The following ABR variants were observed in gnomAD, a reference collection of about 807,000 sequenced individuals.
The protein encoded by ABR is active breakpoint cluster region-related protein.
A neutral mutation model predicts 107.2 loss-of-function variants in ABR; 35 were observed. The observed-to-expected ratio is 0.33, with a 90% confidence interval of 0.25 to 0.43. ABR has a LOEUF of 0.43. Ranked by LOEUF, ABR falls within the 20% of genes least tolerant of loss-of-function variation. ABR has a pLI of 1.00. For synonymous variants in ABR, 498 were observed against 462.0 expected, an observed-to-expected ratio of 1.08 and a Z score of -1.00; for missense variants, 815 against 1,115.2, an observed-to-expected ratio of 0.73 and a Z score of 3.83.
chr17:1,146,691 C>T (rs1424842262), intron 1 of ABR, among the ~76,000 whole-genome samples: 1 of 150,962 alleles, frequency 6.6e-6, no homozygotes, highest in African/African-American at 2.4e-5. Flanking sequence ...CACACGACAC[C>T]ACTGCCACCA....
Position 1,027,984 on chromosome 17 carries a change from G to A in ABR, c.1792-14820C>T, listed in dbSNP as rs1306373560. ...GAGTGGTAGAGTGAACCTCTGGGGTGTGCACGTGGTCTGCACACCTGGTAC... is the reference window on the plus strand; with the variant it reads ...GAGTGGTAGAGTGAACCTCTGGGGTATGCACGTGGTCTGCACACCTGGTAC... On this transcript the variant is annotated intron_variant, in intron 16 of 22. Transcript: ENST00000302538. This position sits in a 1 kb window ranked among gnomAD's most constrained non-coding sequence, Gnocchi z 4.7. Among the ~76,000 whole-genome samples, 1 of 152,098 alleles carries A rather than the reference G, an allele frequency of 6.6e-6. No individual in the cohort carries two copies. Among genetic ancestry groups the A allele is most frequent in the Non-Finnish European group, 1.5e-5 (1 of 68,034 alleles).
At chr17:1,145,103 T>A (rs1215551926) in intron 1 of ABR, among the ~76,000 whole-genome samples, 2 of 152,182 alleles carry the variant, frequency 1.3e-5, no homozygotes, top group African/African-American at 4.8e-5. Context: ...TCGTTTGGGT[T>A]ATCGGTATAT....
At chr17:1,046,483 C>T (rs1481800955) in intron 16 of ABR, among the ~76,000 whole-genome samples, 1 of 152,224 alleles carries the variant, frequency 6.6e-6, no homozygotes, top group Non-Finnish European at 1.5e-5. Flanking sequence ...GTTGGCCAGG[C>T]TGGTCTCGAA....
At chr17:1,103,679 A>C (rs1293033350) in intron 2 of ABR, among the ~76,000 whole-genome samples, 1 of 152,148 alleles carries the variant, frequency 6.6e-6, no homozygotes. Context: ...ATGGGAAGAC[A>C]ACTCAGGAAG....
intron 16 of ABR, chr17:1,031,631 C>T (rs1353584600): frequency 2.9e-5 from 36 of 1,251,086 alleles, no homozygotes; most frequent in Non-Finnish European, 3.6e-5. Context: ...GCACGCGGCC[C>T]CAGAGCCGGG....
chr17:1,179,586 G>A lies in ABR; in HGVS notation c.61+81C>T, dbSNP rs1470707100. ...GTCCCGATCCCGATCTTGGGGTCCC[G>A]ATCCCGATCCTGGGGTCCCGATCTC... On this transcript the variant is annotated intron_variant, in intron 1 of 22. Coordinates refer to ENST00000302538, the MANE Select transcript of ABR (RefSeq NM_021962.5). The surrounding 1 kb of genome is among the most constrained non-coding windows in gnomAD (Gnocchi z 4.9). The A allele has an allele frequency of 1.4e-5, 19 of 1,366,382 alleles. No individual in the cohort carries two copies. The highest frequency in any genetic ancestry group is 1.9e-4 in the Middle Eastern group (1 of 5,346). The allele number at this position is 1,366,382 out of a possible 1,614,324, so 84.6% of individuals were successfully genotyped here.
chr17:1,058,198 G>A (rs1377619017), intron 11 of ABR, among the ~76,000 whole-genome samples, 153 bp from the exon 12 acceptor site: 1 of 131,594 alleles, frequency 7.6e-6, no homozygotes, highest in African/African-American at 2.9e-5. Flanking sequence ...CTAGTGCAAT[G>A]GCAAAATCTC....
chr17:1,066,720 G>GCCAT (rs2034780893), intron 10 of ABR, among the ~76,000 whole-genome samples: 2 of 151,842 alleles, frequency 1.3e-5, no homozygotes, highest in African/African-American at 4.8e-5. Context: ...GTAGAGACAG[G>GCCAT]GTTTTGCCAT....
At chr17:1,125,415 G>T in intron 1 of ABR, 48 bp from the exon 2 acceptor site, 3 of 1,594,632 alleles carry the variant, frequency 1.9e-6, no homozygotes, top group East Asian at 2.2e-5. Context: ...CACCAGAGCT[G>T]CCAGGGACTG....
rs2151553077 is a variant in ABR at position 1,157,207 on chromosome 17, C to A, written c.61+22460G>T. Reference sequence around the variant, plus strand: ...CCGGGCAGTCTGGTCTCAGACACTACCCTCTCTTGCTACTAAGTCAGTCGT... The same window carrying A: ...CCGGGCAGTCTGGTCTCAGACACTAACCTCTCTTGCTACTAAGTCAGTCGT... On this transcript the variant is annotated intron_variant, in intron 1 of 22. Transcript: ENST00000302538. The surrounding 1 kb of genome is among the most constrained non-coding windows in gnomAD (Gnocchi z 4.7). 6.6e-6 allele frequency among the ~76,000 whole-genome samples: 1 copy of A among 152,018 alleles called. No homozygotes were observed. The highest frequency in any genetic ancestry group is 2.1e-4 in the South Asian group (1 of 4,816).
intron 16 of ABR, among the ~76,000 whole-genome samples, chr17:1,019,836 A>G (rs1043787369): frequency 2.6e-5 from 4 of 152,216 alleles, no homozygotes; most frequent in Non-Finnish European, 5.9e-5. Context: ...GGTGCCTTCC[A>G]TGGGCCCAGG....
At chr17:1,208,219 G>C (rs1485305535) in intron 1 of ABR, among the ~76,000 whole-genome samples, 1 of 152,154 alleles carries the variant, frequency 6.6e-6, no homozygotes, top group Non-Finnish European at 1.5e-5. Context: ...AAAGGAAATG[G>C]TGGATACTAG....
chr17:1,177,735 C>A (rs2041965363), intron 1 of ABR, among the ~76,000 whole-genome samples: 1 of 152,190 alleles, frequency 6.6e-6, no homozygotes, highest in African/African-American at 2.4e-5. Flanking sequence ...CACTCAGGAA[C>A]ATAAGCACGC....
chr17:1,022,303 C>T (rs1398678912), intron 16 of ABR, among the ~76,000 whole-genome samples: 2 of 152,124 alleles, frequency 1.3e-5, no homozygotes, highest in Non-Finnish European at 2.9e-5. Flanking sequence ...AGGCCAGCGG[C>T]CACGGTGGCA....
chr17:1,038,305 G>A (rs1367157184), intron 16 of ABR, among the ~76,000 whole-genome samples: 2 of 152,248 alleles, frequency 1.3e-5, no homozygotes. Context: ...GGACGTGGGG[G>A]TCTGAGAGAT....
intron 16 of ABR, among the ~76,000 whole-genome samples, chr17:1,013,623 T>G (rs926211004): frequency 8.5e-5 from 13 of 152,228 alleles, no homozygotes; most frequent in Non-Finnish European, 1.9e-4. Context: ...CGTGGAGGTG[T>G]TGAAGAGTCA....
chr17:1,017,169 C>T (rs1007610259), intron 16 of ABR, among the ~76,000 whole-genome samples: 1 of 152,126 alleles, frequency 6.6e-6, no homozygotes, highest in Non-Finnish European at 1.5e-5. Flanking sequence ...AGCGTGAGGC[C>T]ATCACCAGCC....
chr17:1,029,311 A>G (rs1312177189), intron 16 of ABR, among the ~76,000 whole-genome samples: 3 of 149,760 alleles, frequency 2.0e-5, no homozygotes, highest in Non-Finnish European at 3.0e-5. Context: ...AACCACAGGG[A>G]CCCCCGCTGG....
chr17:1,167,783 G>A (rs1490462462), intron 1 of ABR, among the ~76,000 whole-genome samples: 1 of 152,258 alleles, frequency 6.6e-6, no homozygotes, highest in Non-Finnish European at 1.5e-5. Context: ...TCTCCCTCGT[G>A]CCTCTAAGGA....
Sources: gnomAD v4.1 joint callset for allele counts (sites outside exome capture counted in the v4.1 genomes callset) on GRCh38, gnomAD v4.1.1 for gene constraint, Gnocchi (gnomAD v3.1) non-coding constraint, MANE v1.5 for transcripts, NCBI Gene and HGNC (gene_info 2026-07-23, HGNC 2026-07-21) for gene names.